E2F5: variants seen among roughly 807,000 people sequenced by gnomAD.
E2F5 encodes the protein E2F transcription factor 5, also known as transcription factor E2F5.
In E2F5, 23 loss-of-function variants were observed where a neutral mutation model predicts 39.1. The ratio of observed to expected loss-of-function variants is 0.59; its 90% confidence interval spans 0.42 to 0.83. The LOEUF is 0.83. E2F5 is among the 40% of genes least tolerant of loss of function. E2F5 has a pLI of 0.00. For synonymous variants in E2F5, 145 were observed against 157.8 expected, an observed-to-expected ratio of 0.92 and a Z score of 0.61; for missense variants, 365 against 406.7, an observed-to-expected ratio of 0.90 and a Z score of 0.88.
At chr8:85,189,461 C>T (rs1273985465) in intron 1 of E2F5, among the ~76,000 whole-genome samples, 1 of 152,092 alleles carries the variant, frequency 6.6e-6, no homozygotes, top group Non-Finnish European at 1.5e-5. Flanking sequence ...CCTCTACCAC[C>T]CAGGCTCAAG....
chr8:85,185,497 G>A (rs564487225), intron 1 of E2F5, among the ~76,000 whole-genome samples: 1 of 152,264 alleles, frequency 6.6e-6, no homozygotes, highest in East Asian at 1.9e-4. Flanking sequence ...GGCAACAAAA[G>A]TCAAAATTGA....
rs112001541 is a variant in E2F5, at chr8:85,193,821, A to G, written c.235-8326A>G. Among the ~76,000 whole-genome samples the G allele has an allele frequency of 9.4e-3, 1,422 of 151,408 alleles. 9 individuals carry two copies. The highest frequency in any genetic ancestry group is 0.014 in the Non-Finnish European group (981 of 67,854). The stretch of plus-strand genomic sequence containing the variant: ...CATGTACCAATGGTTCATTCCTTCC[A>G]CTCCCCGAGTGGTGTTTTGTTTTAT... On this transcript the variant is annotated intron_variant, in intron 1 of 7. Transcript: ENST00000416274.
intron 7 of E2F5, chr8:85,212,413 A>G (rs957294846): frequency 5.2e-5 from 27 of 516,692 alleles, no homozygotes; most frequent in Non-Finnish European, 6.2e-5. Flanking sequence ...AAAGGAATCC[A>G]TATGGGGATA....
intron 1 of E2F5, among the ~76,000 whole-genome samples, chr8:85,190,594 C>T (rs1301476867): frequency 2.9e-5 from 4 of 136,772 alleles, no homozygotes; most frequent in Non-Finnish European, 6.2e-5. Flanking sequence ...ACCTCCGTCT[C>T]CCGGGTTCAA....
At chr8:85,184,721 A>G (rs557807817) in intron 1 of E2F5, among the ~76,000 whole-genome samples, 2 of 152,298 alleles carry the variant, frequency 1.3e-5, no homozygotes, top group East Asian at 3.9e-4. Flanking sequence ...ATACACCAGT[A>G]ACAGACAAAG....
At chr8:85,196,764 T>C (rs1015339648) in intron 1 of E2F5, among the ~76,000 whole-genome samples, 4 of 152,212 alleles carry the variant, frequency 2.6e-5, no homozygotes, top group Admixed American at 2.0e-4. Context: ...TTAGATAATG[T>C]CTCTGTAAGA....
Position 85,206,101 on chromosome 8 carries a change from A to T in E2F5, c.507-76A>T, listed in dbSNP as rs113473465. 1,638 of 1,380,164 alleles carry T rather than the reference A, an allele frequency of 1.2e-3. 18 individuals carry two copies. The African/African-American group carries it at 0.02, about 16-fold the overall frequency. The allele number at this position is 1,380,164 out of a possible 1,614,324, so 85.5% of individuals were successfully genotyped here. On this transcript the variant is annotated intron_variant, in intron 3 of 7. Transcript: ENST00000416274. ...TGCATATGGTCATTTAGTTATTTTGACCTTCAGATGTATTACCTTAATTTA... is the reference window on the plus strand; with the variant it reads ...TGCATATGGTCATTTAGTTATTTTGTCCTTCAGATGTATTACCTTAATTTA...
At chr8:85,206,054 T>C (rs1306068767) in intron 3 of E2F5, 123 bp from the exon 4 acceptor site, 10 of 862,126 alleles carry the variant, frequency 1.2e-5, no homozygotes, top group Non-Finnish European at 1.5e-5. Flanking sequence ...TTTTTGTCTG[T>C]CCATGTGTGG....
At chr8:85,201,525 C>T (rs1812698653) in intron 1 of E2F5, among the ~76,000 whole-genome samples, 1 of 152,222 alleles carries the variant, frequency 6.6e-6, no homozygotes, top group African/African-American at 2.4e-5. Flanking sequence ...GTGAATGCAG[C>T]TACCAAGTTT....
At chr8:85,203,023 A>G (rs1563981665) in intron 2 of E2F5, 71 bp from the exon 3 acceptor site, 10 of 1,145,724 alleles carry the variant, frequency 8.7e-6, no homozygotes, top group Non-Finnish European at 1.1e-5. Flanking sequence ...AGTCAGTTTT[A>G]TTACAGTAAA....
In E2F5 at chr8:85,203,142, A is replaced by G; in HGVS notation, c.393A>G (p.Arg131=). 1 of 1,599,936 alleles carries G rather than the reference A, an allele frequency of 6.3e-7. No individual in the cohort carries two copies. The highest frequency in any genetic ancestry group is 8.5e-7 in the Non-Finnish European group (1 of 1,172,762). Residue 131 remains arginine, a synonymous_variant, in exon 3 of 8, where the codon AGA becomes AGG. Transcript: ENST00000416274. ...CTAAAGAAGTCATAGATAGATTAAG[A>G]TATCTTAAAGCTGAAATTGAAGATC... ...CNTKEVIDRL[R]YLKAEIEDLE... is the part of the protein sequence containing the mutation.
intron 1 of E2F5, among the ~76,000 whole-genome samples, chr8:85,194,533 C>CTTT (rs753685580): frequency 7.0e-5 from 9 of 127,998 alleles, no homozygotes; most frequent in South Asian, 2.4e-4. Context: ...GTTTGTTTCT[C>CTTT]TTTTTTTTTT....
rs1813035702 is a variant in E2F5 at position 85,214,217 on chromosome 8, C to G, written c.*355C>G. The G allele has an allele frequency of 3.7e-6, 2 of 539,812 alleles. No homozygotes were observed. Among genetic ancestry groups the G allele is most frequent in the Non-Finnish European group, 7.1e-6 (2 of 283,112 alleles). 33.4% of individuals were successfully genotyped at this position (539,812 alleles called of 1,614,324 possible). ...AAACAAGTTGGCCAAGGACTCATTACTTGTCTTATATTTTTACTGCCACTA... is the reference window on the plus strand; with the variant it reads ...AAACAAGTTGGCCAAGGACTCATTAGTTGTCTTATATTTTTACTGCCACTA... On this transcript the variant is annotated 3_prime_UTR_variant, in exon 8 of 8. Transcript: ENST00000416274.
chr8:85,184,037 G>A (rs781095463), intron 1 of E2F5, among the ~76,000 whole-genome samples: 69 of 151,984 alleles, frequency 4.5e-4, no homozygotes, highest in African/African-American at 1.5e-3. Context: ...GCCAAGGAGC[G>A]AGGCCTCTGA....
At chr8:85,212,309 T>A (rs1812950401) in intron 7 of E2F5, 105 bp downstream of exon 7, 14 of 819,312 alleles carry the variant, frequency 1.7e-5, no homozygotes, top group Non-Finnish European at 2.7e-5. Flanking sequence ...GCTACCTGCT[T>A]TACTATGAAG....
chr8:85,207,128 A>G (rs1371701307), intron 4 of E2F5, among the ~76,000 whole-genome samples: 1 of 152,238 alleles, frequency 6.6e-6, no homozygotes, highest in Non-Finnish European at 1.5e-5. Context: ...GGTCTTAAGA[A>G]TCTCAGACTT....
At chr8:85,183,323 C>T (rs1038324084) in intron 1 of E2F5, among the ~76,000 whole-genome samples, 1 of 152,078 alleles carries the variant, frequency 6.6e-6, no homozygotes. Context: ...GTAGAATTAG[C>T]CTAAGGAGAG....
At chr8:85,180,554 A>T (rs1812186967) in intron 1 of E2F5, among the ~76,000 whole-genome samples, 1 of 67,496 alleles carries the variant, frequency 1.5e-5, no homozygotes, top group Non-Finnish European at 2.9e-5. Context: ...ATATATATAT[A>T]TGGTTTTTTG....
chr8:85,198,117 T>G (rs906099835), intron 1 of E2F5, among the ~76,000 whole-genome samples: 3 of 152,218 alleles, frequency 2.0e-5, no homozygotes, highest in African/African-American at 7.2e-5. Flanking sequence ...GGTCTACTAA[T>G]GTACCTATAT....
Sources: allele counts gnomAD v4.1 joint callset (sites outside exome capture counted in the v4.1 genomes callset), GRCh38; gene constraint gnomAD v4.1.1; transcripts MANE v1.5; gene names NCBI Gene and HGNC (gene_info 2026-07-23, HGNC 2026-07-21).